Variants in BCKDHB observed in about 807,000 individuals in gnomAD.
BCKDHB encodes the protein branched chain keto acid dehydrogenase E1 subunit beta.
Under a neutral mutation model 48.5 loss-of-function variants are expected in BCKDHB, and 41 were observed. That is an observed-to-expected ratio of 0.85 (90% CI 0.66 to 1.10). The LOEUF is 1.10. Ranked by LOEUF, BCKDHB falls within the 50% of genes least tolerant of loss-of-function variation. The probability of loss-of-function intolerance (pLI) is 0.00; values close to 1 mark genes in which losing one functional copy is unlikely to be tolerated. For synonymous variants in BCKDHB, 201 were observed against 174.8 expected (o/e 1.15, Z -1.18); for missense variants, 496 against 494.2 (o/e 1.00, Z -0.03).
chr6:80,412,039 C>T, the BCKDHB span, among the ~76,000 whole-genome samples: 13 of 152,286 alleles, frequency 8.5e-5, no homozygotes, highest in African/African-American at 3.1e-4. Flanking sequence ...TCTTCTGCAT[C>T]AATCTCACTG....
rs1053455962 is a variant in BCKDHB at position 80,155,196 on chromosome 6, A to G, written c.344-12482A>G. ...TGGTAGCTAGGTCATGCACTGTGAC[A>G]GTTTTATAGTAGCTATCTTATTTGC... On this transcript the variant is annotated intron_variant, in intron 3 of 9. Coordinates refer to ENST00000320393, the MANE Select transcript of BCKDHB (RefSeq NM_183050.4). 3.0e-4 allele frequency among the ~76,000 whole-genome samples: 46 copies of G among 152,120 alleles called. 1 individual carries two copies. Among genetic ancestry groups the G allele is most frequent in the Non-Finnish European group, 7.4e-5 (5 of 67,972 alleles).
chr6:80,425,035 T>C, the BCKDHB span, among the ~76,000 whole-genome samples: 1 of 152,178 alleles, frequency 6.6e-6, no homozygotes, highest in African/African-American at 2.4e-5. Context: ...AAATTATAGA[T>C]GACTGTCTGA....
chr6:80,199,947 C>T (rs1322582271), intron 6 of BCKDHB, among the ~76,000 whole-genome samples: 3 of 150,204 alleles, frequency 2.0e-5, no homozygotes, highest in Non-Finnish European at 4.4e-5. Flanking sequence ...GTGGTGTGCA[C>T]CTGTAATCCC....
At chr6:80,234,575 A>T (rs1202599733) in intron 8 of BCKDHB, among the ~76,000 whole-genome samples, 1 of 152,216 alleles carries the variant, frequency 6.6e-6, no homozygotes, top group East Asian at 1.9e-4. Flanking sequence ...AGGAATGCTC[A>T]TACATTGTTG....
At position 80,203,155 on chromosome 6, in the gene BCKDHB, T is replaced by C. The variant is rs1370880804; in HGVS notation, c.894T>C (p.Ser298=). The C allele has an allele frequency of 6.2e-7, 1 of 1,613,078 alleles. No individual in the cohort carries two copies. The highest frequency in any genetic ancestry group is 1.3e-5 in the African/African-American group (1 of 74,974). The change falls in exon 8 of 10, where the codon TCT becomes TCC. Residue 298 remains serine (S), a synonymous_variant. Transcript: ENST00000320393. ...ASMAKEKLGV[S]CEVIDLRTII... is the part of the protein sequence containing the mutation. ...TGGCAAAAGAAAAGCTTGGAGTGTC[T>C]TGTGAAGTCATTGATCTGAGGACTA...
intron 6 of BCKDHB, among the ~76,000 whole-genome samples, chr6:80,199,709 G>A (rs1047688841): frequency 1.4e-5 from 2 of 144,538 alleles, no homozygotes; most frequent in African/African-American, 5.2e-5. Flanking sequence ...GGCAGAGGTT[G>A]CAGTGAGCTA....
At chr6:80,409,098 A>G in the BCKDHB span, among the ~76,000 whole-genome samples, 1 of 152,104 alleles carries the variant, frequency 6.6e-6, no homozygotes. Flanking sequence ...GTTTCAAAGA[A>G]CATCTTTATT....
chr6:80,202,892 C>A (rs1306421628), intron 7 of BCKDHB, among the ~76,000 whole-genome samples: 1 of 152,058 alleles, frequency 6.6e-6, no homozygotes, highest in Non-Finnish European at 1.5e-5. Flanking sequence ...TCTCTCTAAG[C>A]ACCTCTTTCC....
Position 80,185,000 on chromosome 6 carries a change from A to C in BCKDHB, c.742+13610A>C, listed in dbSNP as rs540194768. 7.0e-4 allele frequency among the ~76,000 whole-genome samples: 107 copies of C among 152,304 alleles called. 1 individual carries two copies. The highest frequency in any genetic ancestry group is 2.5e-3 in the African/African-American group (104 of 41,566). On this transcript the variant is annotated intron_variant, in intron 6 of 9. Transcript: ENST00000320393. ...TCTAGATCTCTAGCAAGGACAGGGAAGTTTTTCTCTATTATCCCCTCTAAT... is the reference window on the plus strand; with the variant it reads ...TCTAGATCTCTAGCAAGGACAGGGACGTTTTTCTCTATTATCCCCTCTAAT...
intron 3 of BCKDHB, among the ~76,000 whole-genome samples, chr6:80,139,729 A>C (rs532637576): frequency 6.6e-6 from 1 of 152,024 alleles, no homozygotes; most frequent in Non-Finnish European, 1.5e-5. Flanking sequence ...GTTTGAAGTC[A>C]GGTAGTGTGA....
At chr6:80,269,517 A>C (rs1777646910) in intron 8 of BCKDHB, among the ~76,000 whole-genome samples, 1 of 152,008 alleles carries the variant, frequency 6.6e-6, no homozygotes, top group African/African-American at 2.4e-5. Context: ...GCTTTCCCTG[A>C]TGCCATTTGT....
At chr6:80,245,215 T>C (rs1031912803) in intron 8 of BCKDHB, among the ~76,000 whole-genome samples, 5 of 152,084 alleles carry the variant, frequency 3.3e-5, no homozygotes, top group African/African-American at 9.7e-5. Flanking sequence ...ACTGTCTTAG[T>C]GGGAGAGACA....
chr6:80,342,564 A>T, intron 9 of BCKDHB, among the ~76,000 whole-genome samples: 1 of 142,170 alleles, frequency 7.0e-6, no homozygotes, highest in Non-Finnish European at 1.5e-5. Context: ...CTGAAAAAAA[A>T]AAAAAAAAAA....
At chr6:80,425,600 G>A in the BCKDHB span, among the ~76,000 whole-genome samples, 27 of 152,138 alleles carry the variant, frequency 1.8e-4, no homozygotes, top group Non-Finnish European at 3.2e-4. Context: ...TTCTAGAGGA[G>A]GACCAACAGT....
At chr6:80,392,457 T>C in the BCKDHB span, among the ~76,000 whole-genome samples, 1 of 152,072 alleles carries the variant, frequency 6.6e-6, no homozygotes, top group East Asian at 1.9e-4. Flanking sequence ...TTTTCTCTTA[T>C]TATTTTCATC....
the BCKDHB span, among the ~76,000 whole-genome samples, chr6:80,447,163 C>T: frequency 1.3e-5 from 2 of 152,060 alleles, no homozygotes; most frequent in African/African-American, 4.8e-5. Flanking sequence ...GTTGAAAGTC[C>T]AATCCAGAAT....
chr6:80,197,396 A>G (rs963440839), intron 6 of BCKDHB, among the ~76,000 whole-genome samples: 27 of 152,056 alleles, frequency 1.8e-4, no homozygotes, highest in Admixed American at 7.9e-4. Flanking sequence ...TATTGTAAGT[A>G]TGGTGTTTTT....
chr6:80,331,458 A>G (rs1582580825), intron 9 of BCKDHB, among the ~76,000 whole-genome samples: 3 of 152,318 alleles, frequency 2.0e-5, no homozygotes, highest in Middle Eastern at 6.8e-3. Flanking sequence ...TGAGCTATGG[A>G]GCTTAAAAGC....
the BCKDHB span, among the ~76,000 whole-genome samples, chr6:80,431,242 A>G: frequency 1.3e-5 from 2 of 152,176 alleles, no homozygotes; most frequent in East Asian, 3.9e-4. Context: ...ACTTCCAATT[A>G]TGTGGTCAAT....
Sources: gnomAD v4.1 joint callset for allele counts (sites outside exome capture counted in the v4.1 genomes callset) on GRCh38, gnomAD v4.1.1 for gene constraint, MANE v1.5 for transcripts, NCBI Gene and HGNC (gene_info 2026-07-23, HGNC 2026-07-21) for gene names.